The following TMEM14A variants were observed in gnomAD, a reference collection of about 807,000 sequenced individuals.
The protein encoded by TMEM14A is transmembrane protein 14A.
Under a neutral mutation model 11.6 loss-of-function variants are expected in TMEM14A, and 8 were observed. The ratio of observed to expected loss-of-function variants is 0.69; its 90% CI spans 0.40 to 1.24. The LOEUF is 1.24. Ranked by LOEUF, TMEM14A falls within the 50% of genes most tolerant of loss-of-function variation. TMEM14A has a pLI of 0.01. For missense variants in TMEM14A, 108 were observed against 121.9 expected, an observed-to-expected ratio of 0.89 and a Z score of 0.54; for synonymous variants, 34 against 45.5, an observed-to-expected ratio of 0.75 and a Z score of 1.02.
intron 3 of TMEM14A, 66 bp downstream of exon 3, chr6:52,681,980 T>G (rs1769400033): frequency 7.3e-7 from 1 of 1,361,610 alleles, no homozygotes; most frequent in East Asian, 2.3e-5. Flanking sequence ...TGATACCCTA[T>G]GCTAGATATA....
rs1769360469 is a variant in TMEM14A, at chr6:52,680,669, G to GTGTATATATATATA, written c.71-1143_71-1142insGTATATATATATAT. Among the ~76,000 whole-genome samples the GTGTATATATATATA allele has an allele frequency of 8.3e-5, 3 of 35,968 alleles. 1 individual carries two copies. In the Admixed American group the frequency reaches 1.1e-3, roughly 13 times the overall value. The allele number at this position is 35,968 out of a possible 152,430, so 23.6% of individuals were successfully genotyped here. On this transcript the variant is annotated intron_variant, in intron 2 of 4. Transcript: ENST00000211314. ...TATATATGTGTGTGTATATATATGT[G>GTGTATATATATATA]TATATATATATATACATATATGTAT...
rs1251896152 is a variant in TMEM14A at position 52,684,052 on chromosome 6, GGTTCATGAATTA to G, written c.173-22_173-11del. ...GCATTGATAACATGTTTGAAACTCT[GGTTCATGAATTA>G]GTTTGGTTTTCAGTTACAGCTTTCT... On this transcript the variant is annotated splice_polypyrimidine_tract_variant and intron_variant, in intron 3 of 4. Coordinates refer to ENST00000211314, the MANE Select transcript of TMEM14A (RefSeq NM_014051.4). The G allele has an allele frequency of 6.2e-7, 1 of 1,604,384 alleles. No homozygotes were observed. The highest frequency in any genetic ancestry group is 1.1e-5 in the South Asian group (1 of 89,740).
At chr6:52,676,468 G>A (rs1051014839) in intron 1 of TMEM14A, among the ~76,000 whole-genome samples, 1 of 152,120 alleles carries the variant, frequency 6.6e-6, no homozygotes, top group Non-Finnish European at 1.5e-5. Context: ...TGATCAGGTT[G>A]GTCTCAAATT....
intron 1 of TMEM14A, among the ~76,000 whole-genome samples, chr6:52,674,659 CA>C (rs1303123300): frequency 6.6e-6 from 1 of 152,104 alleles, no homozygotes; most frequent in African/African-American, 2.4e-5. Flanking sequence ...ATTCAGTCAG[CA>C]AATGGTTTTT....
rs75341765 is a variant in TMEM14A, at chr6:52,680,702, T to C, written c.71-1111T>C. Among the ~76,000 whole-genome samples the C allele has an allele frequency of 1.5e-3, 57 of 37,034 alleles. 8 individuals carry two copies. Among genetic ancestry groups the C allele is most frequent in the South Asian group, 0.01 (9 of 886 alleles). The allele number at this position is 37,034 out of a possible 152,430, so 24.3% of individuals were successfully genotyped here. On this transcript the variant is annotated intron_variant, in intron 2 of 4. Transcript: ENST00000211314. Reference sequence around the variant, plus strand: ...ATATATACATATATGTATATATATATATACACATATATATATGGCATGGAT... The same window carrying C: ...ATATATACATATATGTATATATATACATACACATATATATATGGCATGGAT...
intron 2 of TMEM14A, among the ~76,000 whole-genome samples, chr6:52,680,593 T>TATATATATATATATATTTATATATA (rs1561874928): frequency 2.1e-5 from 2 of 96,524 alleles, no homozygotes; most frequent in South Asian, 7.0e-4. Flanking sequence ...ATTTATATAT[T>TATATATATATATATATTTATATATA]TATATATATA....
chr6:52,673,462 C>T (rs986847190), intron 1 of TMEM14A, among the ~76,000 whole-genome samples: 1 of 95,978 alleles, frequency 1.0e-5, no homozygotes, highest in Admixed American at 9.3e-5. Context: ...AGCTCACCAC[C>T]ACTGGACTCC....
intron 1 of TMEM14A, among the ~76,000 whole-genome samples, chr6:52,675,375 C>A (rs1296949604): frequency 6.6e-6 from 1 of 152,168 alleles, no homozygotes; most frequent in Non-Finnish European, 1.5e-5. Context: ...AATAAAGGCA[C>A]CACTAGGGGT....
chr6:52,680,713 A>ATG (rs1769374791), intron 2 of TMEM14A, among the ~76,000 whole-genome samples: 3 of 97,040 alleles, frequency 3.1e-5, no homozygotes, highest in Non-Finnish European at 5.8e-5. Context: ...ATACACATAT[A>ATG]TATATGGCAT....
At chr6:52,673,905 C>A (rs116160080) in intron 1 of TMEM14A, among the ~76,000 whole-genome samples, 2,081 of 152,300 alleles carry the variant, frequency 0.014, 39 homozygotes, top group African/African-American at 0.047. Flanking sequence ...ATAGTAATAG[C>A]CTTACACATG....
chr6:52,682,217 A>C (rs1017991892), intron 3 of TMEM14A, among the ~76,000 whole-genome samples: 2 of 152,258 alleles, frequency 1.3e-5, no homozygotes, highest in African/African-American at 2.4e-5. Context: ...CATATTTAGC[A>C]TAGTTTTTAC....
intron 1 of TMEM14A, among the ~76,000 whole-genome samples, chr6:52,674,281 A>G (rs759186627): frequency 6.6e-6 from 1 of 152,240 alleles, no homozygotes; most frequent in Non-Finnish European, 1.5e-5. Flanking sequence ...ACTTTAAGCT[A>G]TGAAGAGCAT....
At chr6:52,680,639 GTGTA>G (rs1769354837) in intron 2 of TMEM14A, among the ~76,000 whole-genome samples, 1 of 50,034 alleles carries the variant, frequency 2.0e-5, no homozygotes, top group African/African-American at 7.5e-5. Flanking sequence ...ATATATATGT[GTGTA>G]TATATATGTG....
intron 1 of TMEM14A, among the ~76,000 whole-genome samples, 169 bp downstream of exon 1, chr6:52,671,414 C>T (rs1769158969): frequency 6.6e-6 from 1 of 152,148 alleles, no homozygotes; most frequent in African/African-American, 2.4e-5. Context: ...TCGGTCTTAC[C>T]TCCGCGGTAT....
chr6:52,673,781 C>T (rs1318168994), intron 1 of TMEM14A, among the ~76,000 whole-genome samples: 1 of 152,182 alleles, frequency 6.6e-6, no homozygotes, highest in Non-Finnish European at 1.5e-5. Flanking sequence ...AAAGAAAATG[C>T]TAAATAAATA....
intron 1 of TMEM14A, among the ~76,000 whole-genome samples, chr6:52,674,467 G>A (rs1441701317): frequency 6.6e-6 from 1 of 152,044 alleles, no homozygotes; most frequent in African/African-American, 2.4e-5. Flanking sequence ...TGCATTCTCT[G>A]TGTGCCACTT....
Position 52,671,152 on chromosome 6 carries a change from G to A in TMEM14A, c.-110G>A, listed in dbSNP as rs553590511. ...GGGCGCCGAGTGGGACAGCGCTGGT[G>A]CGGAGACTGCTTCCGGACTCCAGGT... is the stretch of plus-strand genomic sequence containing the variant. On this transcript the variant is annotated 5_prime_UTR_variant, in exon 1 of 5. Coordinates refer to ENST00000211314, the MANE Select transcript of TMEM14A (RefSeq NM_014051.4). The A allele has an allele frequency of 6.6e-6, 1 of 152,306 alleles. No individual in the cohort carries two copies. Among genetic ancestry groups the A allele is most frequent in the Non-Finnish European group, 1.5e-5 (1 of 68,084 alleles). The allele number at this position is 152,306 out of a possible 1,614,324, so 9.4% of individuals were successfully genotyped here.
intron 3 of TMEM14A, among the ~76,000 whole-genome samples, chr6:52,682,263 G>C (rs1473655302): frequency 6.6e-6 from 1 of 152,198 alleles, no homozygotes; most frequent in Non-Finnish European, 1.5e-5. Flanking sequence ...AGACAGCCTT[G>C]CATTATTTCA....
At chr6:52,680,657 G>GTA (rs1175987493) in intron 2 of TMEM14A, among the ~76,000 whole-genome samples, 6 of 46,644 alleles carry the variant, frequency 1.3e-4, no homozygotes, top group East Asian at 7.9e-4. Context: ...ATATGTGTGT[G>GTA]TATATATATG....
Sources: allele counts gnomAD v4.1 joint callset (sites outside exome capture counted in the v4.1 genomes callset), GRCh38; gene constraint gnomAD v4.1.1; transcripts MANE v1.5; gene names NCBI Gene and HGNC (gene_info 2026-07-23, HGNC 2026-07-21).